Variants in NLK observed in about 807,000 individuals in gnomAD.
NLK encodes the protein serine/threonine-protein kinase NLK.
Under a neutral mutation model 59.0 loss-of-function variants are expected in NLK, and 11 were observed. That is an observed-to-expected ratio of 0.19 (90% CI 0.12 to 0.31). NLK has a LOEUF of 0.31. NLK is among the 10% of genes least tolerant of loss of function. The pLI is 1.00. For missense variants in NLK, 410 were observed against 661.1 expected (o/e 0.62, Z 4.16); for synonymous variants, 235 against 235.9 (o/e 1.00, Z 0.03).
intron 3 of NLK, among the ~76,000 whole-genome samples, chr17:28,155,210 A>G (rs1373044377): frequency 6.6e-6 from 1 of 152,156 alleles, no homozygotes; most frequent in Non-Finnish European, 1.5e-5. Context: ...TTGTTTTTAG[A>G]ACCTTATATT....
chr17:28,143,747 G>A (rs905475216), intron 3 of NLK, among the ~76,000 whole-genome samples: 2 of 152,190 alleles, frequency 1.3e-5, no homozygotes, highest in African/African-American at 4.8e-5. Flanking sequence ...GAGCAGGGAA[G>A]CCAGCCCACT....
At chr17:28,155,595 C>T (rs1375603594) in intron 3 of NLK, among the ~76,000 whole-genome samples, 1 of 152,094 alleles carries the variant, frequency 6.6e-6, no homozygotes, top group East Asian at 1.9e-4. Context: ...GAATACTATG[C>T]AGCCATAAAA....
At chr17:28,203,502 G>A in the NLK span, among the ~76,000 whole-genome samples, 2 of 151,978 alleles carry the variant, frequency 1.3e-5, no homozygotes, top group Non-Finnish European at 1.5e-5. Flanking sequence ...TCCACTCCTC[G>A]AGGCAGAGCC....
chr17:28,163,255 A>T (rs1908088999), intron 4 of NLK, among the ~76,000 whole-genome samples: 1 of 152,250 alleles, frequency 6.6e-6, no homozygotes, highest in Admixed American at 6.5e-5. Context: ...TAAGGTTATT[A>T]GTATGGTCTT....
At chr17:28,111,087 G>T (rs868643398) in intron 1 of NLK, among the ~76,000 whole-genome samples, 142 of 152,174 alleles carry the variant, frequency 9.3e-4, no homozygotes, top group African/African-American at 3.3e-3. Flanking sequence ...CTCGTGATCC[G>T]CCCGCTCCTT....
chr17:28,124,308 G>A (rs1337456626), intron 2 of NLK, among the ~76,000 whole-genome samples: 3 of 152,166 alleles, frequency 2.0e-5, no homozygotes, highest in Non-Finnish European at 4.4e-5. Flanking sequence ...AGGATCAGTT[G>A]AGTCCAGGAG....
At chr17:28,044,907 A>G (rs1264112051) in intron 1 of NLK, among the ~76,000 whole-genome samples, 1 of 152,216 alleles carries the variant, frequency 6.6e-6, no homozygotes, top group African/African-American at 2.4e-5. Context: ...TGAAAGGGAA[A>G]TGGGTTGCAG....
Position 28,185,239 on chromosome 17 carries a change from C to G in NLK, c.1210C>G (p.Leu404Val). Residue 404 changes from leucine to valine, a missense_variant, in exon 8 of 11, where the codon CTT becomes GTT. Transcript: ENST00000407008. ...GGCTACACATGAAGCTGTTCATCTC[C>G]TTTGCAGGATGTTGGTCTTTGATCC... Reference protein sequence around the residue: ...SQATHEAVHLLCRMLVFDPSK... With the variant: ...SQATHEAVHLVCRMLVFDPSK... 1 of 1,590,332 alleles carries G rather than the reference C, an allele frequency of 6.3e-7. No homozygotes were observed. The highest frequency in any genetic ancestry group is 8.6e-7 in the Non-Finnish European group (1 of 1,166,806).
At chr17:28,067,478 A>G (rs555942813) in intron 1 of NLK, among the ~76,000 whole-genome samples, 6 of 151,914 alleles carry the variant, frequency 3.9e-5, no homozygotes, top group African/African-American at 1.2e-4. Context: ...TATGCAATTT[A>G]TATCTCCAGT....
At chr17:28,106,136 G>GTAC (rs2142796459) in intron 1 of NLK, among the ~76,000 whole-genome samples, 1 of 152,182 alleles carries the variant, frequency 6.6e-6, no homozygotes, top group African/African-American at 2.4e-5. Context: ...AATGATTTGA[G>GTAC]TACCTCACTC....
chr17:28,161,110 G>T, intron 3 of NLK, 50 bp from the exon 4 acceptor site: 2 of 969,550 alleles, frequency 2.1e-6, no homozygotes, highest in Non-Finnish European at 1.7e-6. Context: ...ACCACTTTGA[G>T]GGGGTAGGGG....
At chr17:28,118,808 A>G (rs1228606740) in intron 1 of NLK, among the ~76,000 whole-genome samples, 2 of 152,192 alleles carry the variant, frequency 1.3e-5, no homozygotes, top group Non-Finnish European at 2.9e-5. Flanking sequence ...GGACAGGTGT[A>G]AGTGAGGATT....
intron 3 of NLK, among the ~76,000 whole-genome samples, chr17:28,158,156 C>A (rs2125845): frequency 6.6e-6 from 1 of 152,312 alleles, no homozygotes; most frequent in Non-Finnish European, 1.5e-5. Context: ...TATTACACAC[C>A]TAAGCTGTAT....
intron 7 of NLK, among the ~76,000 whole-genome samples, chr17:28,175,388 T>C (rs1256161782): frequency 2.0e-5 from 3 of 151,828 alleles, no homozygotes; most frequent in African/African-American, 7.3e-5. Flanking sequence ...GAGGCAGAGC[T>C]TGCAGTGAGC....
intron 1 of NLK, among the ~76,000 whole-genome samples, chr17:28,091,404 TTTATC>T (rs888851891): frequency 6.6e-6 from 1 of 151,826 alleles, no homozygotes; most frequent in African/African-American, 2.4e-5. Flanking sequence ...GGTAAACACT[TTTATC>T]TGGGCAATGA....
chr17:28,147,737 C>T (rs1907317419), intron 3 of NLK, among the ~76,000 whole-genome samples: 1 of 152,170 alleles, frequency 6.6e-6, no homozygotes, highest in African/African-American at 2.4e-5. Flanking sequence ...TCATTTCTTG[C>T]TTTTTCTTGC....
chr17:28,136,071 T>G (rs1368293019), intron 3 of NLK, among the ~76,000 whole-genome samples: 1 of 152,222 alleles, frequency 6.6e-6, no homozygotes, highest in Admixed American at 6.5e-5. Flanking sequence ...GAAATTTTCC[T>G]CCTCAAAATT....
chr17:28,147,528 G>A (rs1242949148), intron 3 of NLK, among the ~76,000 whole-genome samples: 1 of 152,156 alleles, frequency 6.6e-6, no homozygotes, highest in Non-Finnish European at 1.5e-5. Context: ...GGAGCAAGAG[G>A]TCAGGAGAGG....
intron 3 of NLK, among the ~76,000 whole-genome samples, chr17:28,141,220 A>G (rs912152583): frequency 2.0e-5 from 3 of 152,226 alleles, no homozygotes; most frequent in African/African-American, 7.2e-5. Flanking sequence ...CAACTCCCGT[A>G]AAAAGTACTC....
Sources: allele counts gnomAD v4.1 joint callset (sites outside exome capture counted in the v4.1 genomes callset), GRCh38; gene constraint gnomAD v4.1.1; transcripts MANE v1.5; gene names NCBI Gene and HGNC (gene_info 2026-07-23, HGNC 2026-07-21).